Variants in UGGT2 observed in about 807,000 individuals in gnomAD.
UGGT2 encodes the protein UDP-glucose glycoprotein glucosyltransferase 2.
UGGT2 carries 180 observed loss-of-function variants against 192.1 expected under a neutral mutation model. The ratio of observed to expected loss-of-function variants is 0.94; its 90% CI spans 0.83 to 1.06. The LOEUF (loss-of-function observed/expected upper bound fraction) is 1.06. Ranked by LOEUF, UGGT2 falls within the 50% of genes least tolerant of loss-of-function variation. The pLI is 0.00. For missense variants in UGGT2, 1,849 were observed against 1,795.7 expected (o/e 1.03, Z -0.54); for synonymous variants, 580 against 591.0 (o/e 0.98, Z 0.27).
At chr13:95,869,210 C>A (rs61972895) in intron 29 of UGGT2, among the ~76,000 whole-genome samples, 4,188 of 152,132 alleles carry the variant, frequency 0.028, 70 homozygotes, top group Non-Finnish European at 0.034. Flanking sequence ...CTACAAAGGA[C>A]ATGAACTCAT....
intron 38 of UGGT2, among the ~76,000 whole-genome samples, chr13:95,821,145 G>A (rs1885469852): frequency 6.6e-6 from 1 of 152,044 alleles, no homozygotes. Flanking sequence ...TCTACTTTTA[G>A]TTCTTTAAAG....
intron 12 of UGGT2, among the ~76,000 whole-genome samples, chr13:95,965,285 T>C (rs575990769): frequency 1.3e-5 from 2 of 150,898 alleles, no homozygotes; most frequent in East Asian, 1.9e-4. Context: ...TAAAGACACA[T>C]GCACATGTAT....
At chr13:96,022,207 G>T (rs2052535348) in intron 4 of UGGT2, among the ~76,000 whole-genome samples, 1 of 151,934 alleles carries the variant, frequency 6.6e-6, no homozygotes, top group African/African-American at 2.4e-5. Context: ...AAAAAATCTG[G>T]TTGGATTCTT....
chr13:95,954,214 G>C (rs886853009), intron 12 of UGGT2, among the ~76,000 whole-genome samples: 18 of 152,148 alleles, frequency 1.2e-4, no homozygotes, highest in Admixed American at 1.2e-3. Flanking sequence ...TAACTTTCAT[G>C]TTTAGACTTG....
chr13:95,838,953 A>G (rs1402395569), intron 36 of UGGT2, among the ~76,000 whole-genome samples: 3 of 152,120 alleles, frequency 2.0e-5, no homozygotes, highest in Non-Finnish European at 4.4e-5. Context: ...AACTGATTTT[A>G]CCACTATTTC....
intron 20 of UGGT2, among the ~76,000 whole-genome samples, chr13:95,912,652 G>A (rs1034530050): frequency 2.6e-5 from 4 of 152,080 alleles, no homozygotes; most frequent in Non-Finnish European, 4.4e-5. Context: ...CATGAAAATG[G>A]CAGCACTGCC....
Position 95,926,115 on chromosome 13 carries a change from A to G in UGGT2, c.2201-341T>C, listed in dbSNP as rs534452445. 1.9e-4 allele frequency among the ~76,000 whole-genome samples: 29 copies of G among 152,254 alleles called. 1 individual carries two copies. Among genetic ancestry groups the G allele is most frequent in the Admixed American group, 1.4e-3 (21 of 15,290 alleles). ...TTCTAGCTACATTTGTTTAAAAAAA[A>G]AAAATTTATGTCCCAAATATATGTA... On this transcript the variant is annotated intron_variant, in intron 19 of 38. Coordinates refer to ENST00000376747, the MANE Select transcript of UGGT2 (RefSeq NM_020121.4).
At chr13:96,039,256 T>C (rs558260862) in intron 1 of UGGT2, among the ~76,000 whole-genome samples, 2 of 152,332 alleles carry the variant, frequency 1.3e-5, no homozygotes, top group East Asian at 1.9e-4. Context: ...TTCCTGCCTA[T>C]AGAATTTTGG....
rs2049514313 is a variant in UGGT2, at chr13:95,937,750, A to C, written c.1813-662T>G. ...TTAGGGAGTCATACTAAAAATCTTA[A>C]AGGCTTAATAAAAATTTGCCAGAGA... On this transcript the variant is annotated intron_variant, in intron 16 of 38. Transcript: ENST00000376747. 2.6e-5 allele frequency among the ~76,000 whole-genome samples: 4 copies of C among 152,196 alleles called. No individual in the cohort carries two copies. The South Asian group carries it at 8.3e-4, about 32-fold the overall frequency.
intron 33 of UGGT2, chr13:95,856,810 G>A (rs564705556): frequency 2.2e-5 from 5 of 222,976 alleles, no homozygotes; most frequent in East Asian, 2.7e-4. Flanking sequence ...CTATACAGGA[G>A]CTTCATGTTT....
intron 1 of UGGT2, among the ~76,000 whole-genome samples, chr13:96,041,495 C>T (rs546104564): frequency 1.3e-5 from 2 of 152,294 alleles, no homozygotes; most frequent in African/African-American, 4.8e-5. Context: ...AATCTCCTGG[C>T]CAGAACTTGG....
In UGGT2 at chr13:95,999,204, A is replaced by G; in HGVS notation, c.757+7T>C. ...ATTCTACTCAAGTACTGAGATAGAG[A>G]ACTTACTTTTAACTTGGGTATCATC... On this transcript the variant is annotated splice_region_variant and intron_variant, in intron 6 of 38. Coordinates refer to ENST00000376747, the MANE Select transcript of UGGT2 (RefSeq NM_020121.4). 6.2e-7 allele frequency: 1 copy of G among 1,610,966 alleles called. No individual in the cohort carries two copies. Among genetic ancestry groups the G allele is most frequent in the Non-Finnish European group, 8.5e-7 (1 of 1,177,478 alleles).
chr13:96,009,518 A>G (rs1329398513), intron 5 of UGGT2, among the ~76,000 whole-genome samples: 1 of 152,260 alleles, frequency 6.6e-6, no homozygotes, highest in East Asian at 1.9e-4. Context: ...CCCATTAAAA[A>G]GTGAGCGAAG....
In UGGT2 at chr13:95,970,151, T is replaced by A. The variant is rs2050725704; in HGVS notation, c.1296A>T (p.Glu432Asp). The change falls in exon 12 of 39, where the codon GAA (glutamate) becomes GAT (aspartate). Residue 432 changes from glutamate to aspartate, a missense_variant. By Grantham distance (45) the Glu-to-Asp change is conservative. Coordinates refer to ENST00000376747, the MANE Select transcript of UGGT2 (RefSeq NM_020121.4). ...GTCGAATATCTAATACATAAGTATA[T>A]TCCCAAATGTGTGAATTTAATTTTA... ...KFLKLNSHIWEYTYVLDIRHS... is the reference protein window; with the variant it reads ...KFLKLNSHIWDYTYVLDIRHS... The A allele has an allele frequency of 6.2e-7, 1 of 1,610,340 alleles. No individual in the cohort carries two copies. Among genetic ancestry groups the A allele is most frequent in the South Asian group, 1.1e-5 (1 of 90,898 alleles).
chr13:96,051,219 A>T (rs1390423528), intron 1 of UGGT2, among the ~76,000 whole-genome samples: 1 of 152,218 alleles, frequency 6.6e-6, no homozygotes, highest in Non-Finnish European at 1.5e-5. Context: ...ATTCTCAGCA[A>T]ACTATCACAA....
chr13:95,841,342 G>C (rs1238499790), intron 36 of UGGT2, among the ~76,000 whole-genome samples: 2 of 152,116 alleles, frequency 1.3e-5, no homozygotes, highest in Admixed American at 6.6e-5. Context: ...AGCTTGTTTG[G>C]AGGTTCTGGC....
chr13:95,907,280 C>A (rs185570006), intron 20 of UGGT2, among the ~76,000 whole-genome samples: 1 of 152,198 alleles, frequency 6.6e-6, no homozygotes, highest in Non-Finnish European at 1.5e-5. Flanking sequence ...GGCAGCCCAC[C>A]GCAGCTCAGC....
At chr13:95,916,737 A>G (rs1367055108) in intron 20 of UGGT2, among the ~76,000 whole-genome samples, 2 of 152,226 alleles carry the variant, frequency 1.3e-5, no homozygotes, top group Non-Finnish European at 2.9e-5. Context: ...AAAACACAAC[A>G]TAAGAACTTC....
chr13:95,937,893 TTCTTA>T (rs1328065458), intron 16 of UGGT2, among the ~76,000 whole-genome samples: 5 of 152,196 alleles, frequency 3.3e-5, no homozygotes, highest in Non-Finnish European at 7.3e-5. Flanking sequence ...CCCCACCCAA[TTCTTA>T]TCTTAAATTT....
Sources: allele counts gnomAD v4.1 joint callset (sites outside exome capture counted in the v4.1 genomes callset), GRCh38; gene constraint gnomAD v4.1.1; transcripts MANE v1.5; gene names NCBI Gene and HGNC (gene_info 2026-07-23, HGNC 2026-07-21).